The following SLC9B2 variants were observed in gnomAD, a reference collection of about 807,000 sequenced individuals.
SLC9B2 encodes the protein solute carrier family 9 member B2.
A neutral mutation model predicts 52.2 loss-of-function variants in SLC9B2; 39 were observed. The observed-to-expected ratio is 0.75, with a 90% CI of 0.58 to 0.98. The LOEUF (loss-of-function observed/expected upper bound fraction) is 0.98, where lower values mean the gene tolerates loss of function less well. Among genes scored for constraint, SLC9B2 ranks in the 50% least tolerant of loss-of-function variants. The pLI is 0.00. For synonymous variants in SLC9B2, 214 were observed against 227.0 expected (o/e 0.94, Z 0.51); for missense variants, 626 against 637.5 (o/e 0.98, Z 0.19).
intron 9 of SLC9B2, among the ~76,000 whole-genome samples, chr4:103,042,957 T>C (rs1344682297): frequency 6.6e-6 from 1 of 152,066 alleles, no homozygotes; most frequent in African/African-American, 2.4e-5. Flanking sequence ...AGATGAAATA[T>C]GGTATGTAAG....
chr4:103,049,118 G>T, intron 5 of SLC9B2, 98 bp from the exon 6 acceptor site: 1 of 1,354,420 alleles, frequency 7.4e-7, no homozygotes, highest in Non-Finnish European at 9.9e-7. Context: ...CCACGTCTGG[G>T]TCATCATGAG....
chr4:103,057,709 A>C, intron 4 of SLC9B2, 92 bp downstream of exon 4: 1 of 1,396,926 alleles, frequency 7.2e-7, no homozygotes, highest in Non-Finnish European at 9.7e-7. Context: ...AAATACAGAA[A>C]TATTTTATTC....
chr4:103,054,120 TA>T (rs773825762), intron 4 of SLC9B2, among the ~76,000 whole-genome samples: 3 of 151,556 alleles, frequency 2.0e-5, no homozygotes, highest in Non-Finnish European at 4.4e-5. Flanking sequence ...TCTGCAAAAA[TA>T]AAAAAGGTGT....
intron 8 of SLC9B2, among the ~76,000 whole-genome samples, chr4:103,044,628 C>T (rs1047702826): frequency 2.6e-5 from 4 of 152,174 alleles, no homozygotes; most frequent in Non-Finnish European, 4.4e-5. Flanking sequence ...CTTGCATATC[C>T]TATTACTTTG....
At chr4:103,046,181 T>G (rs899336289) in intron 7 of SLC9B2, among the ~76,000 whole-genome samples, 1 of 152,174 alleles carries the variant, frequency 6.6e-6, no homozygotes, top group African/African-American at 2.4e-5. Context: ...AACGAGAATG[T>G]ATAACCTGCC....
chr4:103,041,846 C>T (rs1019783109), intron 9 of SLC9B2, among the ~76,000 whole-genome samples: 1 of 152,038 alleles, frequency 6.6e-6, no homozygotes, highest in Non-Finnish European at 1.5e-5. Context: ...ATTGTGTGAC[C>T]TTGGACATGT....
intron 1 of SLC9B2, among the ~76,000 whole-genome samples, chr4:103,068,201 C>A (rs1248901893): frequency 2.0e-5 from 3 of 152,118 alleles, no homozygotes; most frequent in Non-Finnish European, 4.4e-5. Context: ...TTATCATATA[C>A]CAGGAAAAAT....
downstream of SLC9B2, chr4:103,019,507 T>C (rs1156560720): frequency 3.4e-6 from 3 of 887,030 alleles, no homozygotes; most frequent in Non-Finnish European, 4.1e-6. Flanking sequence ...GGAAAGGCCC[T>C]CCTGCGGCCT....
chr4:103,026,726 T>C (rs1417453632), intron 11 of SLC9B2, 135 bp from the exon 12 acceptor site: 3 of 712,142 alleles, frequency 4.2e-6, no homozygotes, highest in Non-Finnish European at 6.8e-6. Context: ...TCAGGAGATA[T>C]ACCTAATGCT....
intron 9 of SLC9B2, among the ~76,000 whole-genome samples, chr4:103,033,557 G>C (rs937850365): frequency 6.6e-6 from 1 of 152,084 alleles, no homozygotes; most frequent in Admixed American, 6.6e-5. Context: ...ACTATACCTA[G>C]AAAACTTCAT....
chr4:103,019,943 C>A (rs920387200), downstream of SLC9B2: 4 of 988,606 alleles, frequency 4.0e-6, no homozygotes, highest in South Asian at 1.8e-4. Flanking sequence ...AAAAGCAGTG[C>A]TCGGGACTGC....
chr4:103,021,034 T>C (rs1252891407), downstream of SLC9B2, among the ~76,000 whole-genome samples: 1 of 152,178 alleles, frequency 6.6e-6, no homozygotes, highest in Non-Finnish European at 1.5e-5. Context: ...GTTTCATGAT[T>C]ATAGGGTTAA....
chr4:103,045,694 C>T (rs1391938122), intron 7 of SLC9B2, among the ~76,000 whole-genome samples: 2 of 152,030 alleles, frequency 1.3e-5, no homozygotes, highest in African/African-American at 4.8e-5. Flanking sequence ...ATGAAAACCC[C>T]ACTGCCTCTT....
chr4:103,048,152 G>A (rs915770389), intron 6 of SLC9B2, among the ~76,000 whole-genome samples: 3 of 152,066 alleles, frequency 2.0e-5, no homozygotes, highest in Non-Finnish European at 2.9e-5. Flanking sequence ...CAACAGCAGT[G>A]GTAACAGCAG....
intron 9 of SLC9B2, among the ~76,000 whole-genome samples, chr4:103,036,680 A>AT (rs1743212259): frequency 6.6e-6 from 1 of 151,876 alleles, no homozygotes; most frequent in African/African-American, 2.4e-5. Context: ...GGAACACCAC[A>AT]TTGGAAAAAT....
At chr4:103,061,453 G>C (rs911504928) in intron 3 of SLC9B2, among the ~76,000 whole-genome samples, 1 of 152,056 alleles carries the variant, frequency 6.6e-6, no homozygotes. Flanking sequence ...GGTGGGAATT[G>C]AACAATGAGA....
Position 103,043,374 on chromosome 4 carries a change from A to T in SLC9B2, c.1068T>A (p.His356Gln), listed in dbSNP as rs1743806518. 9 of 1,613,908 alleles carry T rather than the reference A, an allele frequency of 5.6e-6. No homozygotes were observed. The highest frequency in any genetic ancestry group is 7.6e-6 in the Non-Finnish European group (9 of 1,179,918). Residue 356 changes from histidine (H) to glutamine (Q), a missense_variant, in exon 9 of 12, where the codon CAT becomes CAA. His to Gln is a conservative substitution (Grantham distance 24). Transcript: ENST00000394785. The stretch of plus-strand genomic sequence containing the variant: ...GTCCTCCTGATCCAGGGAAACCAAA[A>T]TGCACACTGCTGAACACAGCTAGCA... ...LSVLAVFSSV[H>Q]FGFPGSGGLC...
rs1452772885 is a variant in SLC9B2, at chr4:103,022,805, G to A, written c.*3565C>T. Among the ~76,000 whole-genome samples, 1 of 152,198 alleles carries A rather than the reference G, an allele frequency of 6.6e-6. No individual in the cohort carries two copies. The highest frequency in any genetic ancestry group is 1.5e-5 in the Non-Finnish European group (1 of 68,038). Reference sequence around the variant, plus strand: ...GATGTATTTAGATATGAGGATTTGGGAAGGCAATTAGATTTGGATGAGGTC... The same window carrying A: ...GATGTATTTAGATATGAGGATTTGGAAAGGCAATTAGATTTGGATGAGGTC... On this transcript the variant is annotated 3_prime_UTR_variant, in exon 12 of 12. Coordinates refer to ENST00000394785, the MANE Select transcript of SLC9B2 (RefSeq NM_178833.7).
intron 9 of SLC9B2, among the ~76,000 whole-genome samples, chr4:103,038,973 T>G (rs545752134): frequency 8.7e-4 from 133 of 152,342 alleles, no homozygotes; most frequent in Non-Finnish European, 1.7e-3. Flanking sequence ...TAAAATATTT[T>G]AGCTTTTCAA....
Sources: gnomAD v4.1 joint callset for allele counts (sites outside exome capture counted in the v4.1 genomes callset) on GRCh38, gnomAD v4.1.1 for gene constraint, MANE v1.5 for transcripts, NCBI Gene and HGNC (gene_info 2026-07-23, HGNC 2026-07-21) for gene names.